The following PPP1R7 variants were observed in gnomAD, a reference collection of about 807,000 sequenced individuals.
PPP1R7 encodes the protein protein phosphatase 1 regulatory subunit 22.
In PPP1R7, 18 loss-of-function variants were observed where a neutral mutation model predicts 45.2. The observed-to-expected ratio is 0.40, with a 90% CI of 0.28 to 0.59. PPP1R7 has a LOEUF of 0.59. PPP1R7 is among the 20% of genes least tolerant of loss of function. The pLI is 0.46. For synonymous variants in PPP1R7, 181 were observed against 183.4 expected (o/e 0.99, Z 0.11); for missense variants, 314 against 455.8 (o/e 0.69, Z 2.83).
chr2:241,149,669 C>A (rs2067190451), upstream of PPP1R7: 1 of 1,545,994 alleles, frequency 6.5e-7, no homozygotes, highest in Non-Finnish European at 8.7e-7. Context: ...GCCCCCGGGC[C>A]GGGCAGATGC....
intron 9 of PPP1R7, among the ~76,000 whole-genome samples, chr2:241,178,468 T>C (rs978570418): frequency 1.3e-5 from 2 of 149,052 alleles, no homozygotes; most frequent in African/African-American, 4.9e-5. Context: ...CTTTTTTTTT[T>C]TTTTTTGAGA....
rs771213683 is a variant in PPP1R7, at chr2:241,158,542, A to G, written c.296A>G (p.Lys99Arg). The stretch of plus-strand genomic sequence containing the variant: ...ATTGAAGGATTTGAGGTACTGAAGA[A>G]AGTGAAGGTGAGAGGGACTCTTATG... ...GKIEGFEVLKKVKTLCLRQNL... is the reference protein window; with the variant it reads ...GKIEGFEVLKRVKTLCLRQNL... The change falls in exon 4 of 10, where the codon AAA becomes AGA. Residue 99 changes from lysine (K) to arginine (R), a missense_variant. Physicochemically the swap from Lys to Arg is conservative, Grantham distance 26. Transcript: ENST00000234038. The G allele has an allele frequency of 6.2e-7, 1 of 1,613,558 alleles. No individual in the cohort carries two copies. Among genetic ancestry groups the G allele is most frequent in the East Asian group, 2.2e-5 (1 of 44,886 alleles).
At chr2:241,150,157 C>G (rs887213448), upstream of PPP1R7, 1 of 1,273,274 alleles carries the variant, frequency 7.9e-7, no homozygotes, top group East Asian at 3.5e-5. Flanking sequence ...AGTCAACTCT[C>G]AAGCCCAGGG....
chr2:241,149,761 G>A (rs1394955783), upstream of PPP1R7: 5 of 1,539,664 alleles, frequency 3.2e-6, no homozygotes, highest in South Asian at 3.6e-5. Context: ...GGCGGAGGAC[G>A]CGGGGCGGCT....
intron 9 of PPP1R7, among the ~76,000 whole-genome samples, chr2:241,182,205 AG>A (rs2149074994): frequency 6.6e-6 from 1 of 152,354 alleles, no homozygotes; most frequent in East Asian, 1.9e-4. Flanking sequence ...GGTAATTTAC[AG>A]AAGAGTTGAG....
intron 9 of PPP1R7, among the ~76,000 whole-genome samples, chr2:241,170,259 G>A (rs1298790314): frequency 2.0e-5 from 3 of 152,216 alleles, no homozygotes; most frequent in African/African-American, 7.2e-5. Flanking sequence ...CCTCAGCAGA[G>A]AGGCAGACGC....
Position 241,160,513 on chromosome 2 carries a change from G to A in PPP1R7, c.597+19G>A. 1 of 1,570,630 alleles carries A rather than the reference G, an allele frequency of 6.4e-7. No homozygotes were observed. Among genetic ancestry groups the A allele is most frequent in the Non-Finnish European group, 8.6e-7 (1 of 1,162,160 alleles). On this transcript the variant is annotated intron_variant, in intron 6 of 9. Coordinates refer to ENST00000234038, the MANE Select transcript of PPP1R7 (RefSeq NM_002712.3). ...CATCCGGGTAGGTGCAGACAGCCCT[G>A]ACTAGTATATTCAGGGAGAGGCAGC...
intron 9 of PPP1R7, among the ~76,000 whole-genome samples, chr2:241,173,862 A>T (rs924685534): frequency 6.7e-6 from 1 of 150,078 alleles, no homozygotes; most frequent in Non-Finnish European, 1.5e-5. Context: ...CATGTCATGA[A>T]TTTTTTATTT....
At chr2:241,159,162 C>T (rs756712173) in intron 4 of PPP1R7, 51 bp from the exon 5 acceptor site, 46 of 1,597,036 alleles carry the variant, frequency 2.9e-5, no homozygotes, top group African/African-American at 8.0e-5. Flanking sequence ...CTGAGGCCTT[C>T]TCGTGGCCTC....
Position 241,182,994 on chromosome 2 carries a change from T to C in PPP1R7, c.*171T>C. ...CGCGACGTCACACACCATTTTCAGA[T>C]GCCGTTGCAATTAAATCTTGCCACA... On this transcript the variant is annotated 3_prime_UTR_variant, in exon 10 of 10. Coordinates refer to ENST00000234038, the MANE Select transcript of PPP1R7 (RefSeq NM_002712.3). 1.5e-6 allele frequency: 1 copy of C among 679,588 alleles called. No homozygotes were observed. The highest frequency in any genetic ancestry group is 2.4e-6 in the Non-Finnish European group (1 of 410,452). The allele number at this position is 679,588 out of a possible 1,614,324, so 42.1% of individuals were successfully genotyped here. A position where few individuals can be genotyped will look rare whatever the true frequency, so the allele number is the denominator to read the frequency against.
At chr2:241,150,683 C>T in intron 1 of PPP1R7, 136 bp downstream of exon 1, 3 of 1,280,328 alleles carry the variant, frequency 2.3e-6, no homozygotes, top group Non-Finnish European at 2.0e-6. Context: ...CAGCTGACAG[C>T]CGGACCCGGG....
In PPP1R7 at chr2:241,168,214, G is replaced by A. The variant is rs576805362; in HGVS notation, c.820-1567G>A. Among the ~76,000 whole-genome samples, 20 of 152,310 alleles carry A rather than the reference G, an allele frequency of 1.3e-4. No homozygotes were observed. The South Asian group carries it at 1.7e-3, about 13-fold the overall frequency. ...CATTGTCCAGCTCCTGTAGAAAAAC[G>A]TGAAATAGTGTTGAGTGCCTACATG... On this transcript the variant is annotated intron_variant, in intron 8 of 9. Transcript: ENST00000234038.
At chr2:241,170,946 T>C (rs960685514) in intron 9 of PPP1R7, among the ~76,000 whole-genome samples, 17 of 152,092 alleles carry the variant, frequency 1.1e-4, no homozygotes, top group Non-Finnish European at 5.9e-5. Flanking sequence ...GTGTGGCTGG[T>C]GGTAGGCTGG....
At chr2:241,166,865 C>T (rs1026088210) in intron 8 of PPP1R7, among the ~76,000 whole-genome samples, 2 of 152,192 alleles carry the variant, frequency 1.3e-5, no homozygotes, top group African/African-American at 4.8e-5. Flanking sequence ...TCCATGGGTC[C>T]ACTGGCCTCA....
Position 241,166,358 on chromosome 2 carries a change from G to A in PPP1R7, c.736G>A (p.Glu246Lys), listed in dbSNP as rs765081488. 3.1e-6 allele frequency: 5 copies of A among 1,613,984 alleles called. No individual in the cohort carries two copies. The highest frequency in any genetic ancestry group is 3.4e-6 in the Non-Finnish European group (4 of 1,179,918). Residue 246 changes from glutamate to lysine, a missense_variant, in exon 8 of 10, where the codon GAG (glutamate) becomes AAG (lysine). By Grantham distance (56) the Glu-to-Lys change is moderately conservative. Coordinates refer to ENST00000234038, the MANE Select transcript of PPP1R7 (RefSeq NM_002712.3). ...SMQSNRLTKIEGLQNLVNLRE... is the reference protein window; with the variant it reads ...SMQSNRLTKIKGLQNLVNLRE... Reference sequence around the variant, plus strand: ...GCAGAGCAACCGGCTGACCAAGATCGAGGGTCTGCAGAACCTGGTGAACCT... The same window carrying A: ...GCAGAGCAACCGGCTGACCAAGATCAAGGGTCTGCAGAACCTGGTGAACCT...
At chr2:241,157,445 C>T (rs141623069) in intron 2 of PPP1R7, among the ~76,000 whole-genome samples, 1,539 of 152,322 alleles carry the variant, frequency 0.01, 13 homozygotes, top group Admixed American at 0.016. Flanking sequence ...CTGGGAGTCA[C>T]GGAAAGGCAG....
chr2:241,160,583 G>A lies in PPP1R7; in HGVS notation c.597+89G>A, dbSNP rs1254800589. ...TCAGTGGGTGTATGTAGAATGCATGGTGAGTCTGCATTTCTTACAATGCTG... is the reference window on the plus strand; with the variant it reads ...TCAGTGGGTGTATGTAGAATGCATGATGAGTCTGCATTTCTTACAATGCTG... On this transcript the variant is annotated intron_variant, in intron 6 of 9. Coordinates refer to ENST00000234038, the MANE Select transcript of PPP1R7 (RefSeq NM_002712.3). 4.4e-6 allele frequency: 5 copies of A among 1,131,612 alleles called. No homozygotes were observed. The East Asian group carries it at 1.4e-4, about 32-fold the overall frequency. The allele number at this position is 1,131,612 out of a possible 1,614,324, so 70.1% of individuals were successfully genotyped here.
intron 2 of PPP1R7, among the ~76,000 whole-genome samples, chr2:241,157,181 C>G (rs1023716461): frequency 6.6e-6 from 1 of 152,182 alleles, no homozygotes; most frequent in African/African-American, 2.4e-5. Flanking sequence ...GTTCACCAGT[C>G]TCCCCACTGA....
Position 241,183,347 on chromosome 2 carries a change from C to T in PPP1R7, c.*524C>T, listed in dbSNP as rs767913085. The T allele has an allele frequency of 7.6e-5, 34 of 447,762 alleles. No individual in the cohort carries two copies. Among genetic ancestry groups the T allele is most frequent in the Non-Finnish European group, 1.4e-4 (31 of 218,858 alleles). 27.7% of individuals were successfully genotyped at this position (447,762 alleles called of 1,614,324 possible). On this transcript the variant is annotated 3_prime_UTR_variant, in exon 10 of 10. Transcript: ENST00000234038. ...GTAAGTTAAAAAAGCTGGGTAAAAG[C>T]TGACTCAGCCCTGTGTGCTTGTGTT... is the stretch of plus-strand genomic sequence containing the variant.
Sources: allele counts gnomAD v4.1 joint callset (sites outside exome capture counted in the v4.1 genomes callset), GRCh38; gene constraint gnomAD v4.1.1; transcripts MANE v1.5; gene names NCBI Gene and HGNC (gene_info 2026-07-23, HGNC 2026-07-21).